Variants in SBF2 observed in about 807,000 individuals in gnomAD.
SBF2 encodes SET binding factor 2, also known as myotubularin-related protein 13.
SBF2 carries 112 observed loss-of-function variants against 225.2 expected under a neutral mutation model. The observed-to-expected ratio is 0.50, with a 90% CI of 0.43 to 0.58. SBF2 has a LOEUF of 0.58. Among genes scored for constraint, SBF2 ranks in the 20% least tolerant of loss-of-function variants. The probability of loss-of-function intolerance (pLI) is 0.00; values close to 1 mark genes in which losing one functional copy is unlikely to be tolerated. For synonymous variants in SBF2, 763 were observed against 773.3 expected (o/e 0.99, Z 0.22); for missense variants, 1,996 against 2,206.2 (o/e 0.90, Z 1.91).
At chr11:9,823,517 AAGAAG>A (rs901005607) in intron 28 of SBF2, among the ~76,000 whole-genome samples, 35 of 151,396 alleles carry the variant, frequency 2.3e-4, no homozygotes, top group African/African-American at 8.0e-4. Context: ...AAAAAAAAAA[AAGAAG>A]AAGAAGAATT....
chr11:10,067,595 G>A (rs1158715170), intron 2 of SBF2, among the ~76,000 whole-genome samples: 2 of 152,014 alleles, frequency 1.3e-5, no homozygotes, highest in African/African-American at 4.8e-5. Context: ...TAGTACTAGA[G>A]TAAAGAAATG....
intron 16 of SBF2, chr11:9,959,735 T>A (rs1412719595): frequency 1.5e-6 from 1 of 683,822 alleles, no homozygotes; most frequent in Non-Finnish European, 2.8e-6. Context: ...GGTAGGGACA[T>A]GTACACCTGC....
chr11:9,926,521 A>C (rs1373854163), intron 16 of SBF2, among the ~76,000 whole-genome samples: 1 of 152,132 alleles, frequency 6.6e-6, no homozygotes, highest in Non-Finnish European at 1.5e-5. Context: ...ACCATAAAAC[A>C]TCTCCCAATG....
intron 2 of SBF2, among the ~76,000 whole-genome samples, chr11:10,189,398 T>A (rs956361011): frequency 1.3e-5 from 2 of 152,220 alleles, no homozygotes; most frequent in Non-Finnish European, 2.9e-5. Context: ...GTCAGATGGA[T>A]GATTGCTACC....
rs541095886 is a variant in SBF2, at chr11:9,876,393, C to A, written c.1930-17997G>T. 4.6e-5 allele frequency among the ~76,000 whole-genome samples: 7 copies of A among 152,226 alleles called. No homozygotes were observed. The East Asian group carries it at 1.4e-3, about 29-fold the overall frequency. On this transcript the variant is annotated intron_variant, in intron 17 of 39. Transcript: ENST00000256190. ...TCCCCCTTAAATTCATATGTTGAAACCCTATCTCCATCCAGCGTGCCCATA... is the reference window on the plus strand; with the variant it reads ...TCCCCCTTAAATTCATATGTTGAAAACCTATCTCCATCCAGCGTGCCCATA...
At chr11:10,298,798 G>T (rs1419528288), upstream of SBF2, among the ~76,000 whole-genome samples, 1 of 152,040 alleles carries the variant, frequency 6.6e-6, no homozygotes, top group Non-Finnish European at 1.5e-5. Context: ...AAATATGTCC[G>T]CTTCTCTCCA....
At chr11:9,791,904 T>C (rs1046743894) in intron 33 of SBF2, among the ~76,000 whole-genome samples, 1 of 152,226 alleles carries the variant, frequency 6.6e-6, no homozygotes, top group African/African-American at 2.4e-5. Context: ...AGGGCTGTTG[T>C]AACATCTTGT....
chr11:9,795,957 C>T lies in SBF2; in HGVS notation c.4444G>A (p.Val1482Ile). Residue 1482 changes from valine (V) to isoleucine (I), a missense_variant and splice_region_variant, in exon 33 of 40, where the codon GTT becomes ATT. Coordinates refer to ENST00000256190, the MANE Select transcript of SBF2 (RefSeq NM_030962.4). ...AACTCAGTTGGATACTGGTTGTGAA[C>T]CTGAAACACACAAGGCAAAGAAAAG... ...FLQFLDCVHQ[V>I]HNQYPTEFEF... 1 of 1,612,842 alleles carries T rather than the reference C, an allele frequency of 6.2e-7. No individual in the cohort carries two copies. The highest frequency in any genetic ancestry group is 8.5e-7 in the Non-Finnish European group (1 of 1,179,916).
intron 1 of SBF2, among the ~76,000 whole-genome samples, chr11:10,290,404 G>A (rs1964087755): frequency 6.6e-6 from 1 of 152,140 alleles, no homozygotes; most frequent in Non-Finnish European, 1.5e-5. Context: ...ACTGGGGTGT[G>A]TCAGAGTCTG....
At chr11:10,068,787 T>A (rs1950733319) in intron 2 of SBF2, among the ~76,000 whole-genome samples, 1 of 152,132 alleles carries the variant, frequency 6.6e-6, no homozygotes, top group Non-Finnish European at 1.5e-5. Context: ...AAAACTTGAA[T>A]CAATTCACAG....
chr11:10,016,516 T>G (rs1388820660), intron 6 of SBF2: 1 of 152,194 alleles, frequency 6.6e-6, no homozygotes, highest in African/African-American at 2.4e-5. Flanking sequence ...AGATGGAGTC[T>G]CGCTCTGTCG....
chr11:10,255,133 G>A (rs1257458896), intron 1 of SBF2, among the ~76,000 whole-genome samples: 1 of 151,890 alleles, frequency 6.6e-6, no homozygotes, highest in African/African-American at 2.4e-5. Context: ...TAAAACTTCA[G>A]TTAGCCAAAA....
intron 6 of SBF2, among the ~76,000 whole-genome samples, chr11:10,015,990 TG>T (rs1011828370): frequency 1.3e-5 from 2 of 152,124 alleles, no homozygotes; most frequent in Non-Finnish European, 2.9e-5. Flanking sequence ...TTGTCCAGGC[TG>T]GTCTTGAACT....
chr11:10,258,584 A>G (rs1296325727), intron 1 of SBF2, among the ~76,000 whole-genome samples: 1 of 152,194 alleles, frequency 6.6e-6, no homozygotes, highest in Non-Finnish European at 1.5e-5. Flanking sequence ...AATTTCAACT[A>G]AACTAGGACA....
chr11:10,124,855 A>T (rs189982938), intron 2 of SBF2, among the ~76,000 whole-genome samples: 84 of 152,304 alleles, frequency 5.5e-4, no homozygotes, highest in African/African-American at 1.9e-3. Context: ...CTGTAATCTC[A>T]GCACTTTGGG....
intron 1 of SBF2, among the ~76,000 whole-genome samples, chr11:10,236,341 A>G (rs1959072801): frequency 6.6e-6 from 1 of 152,162 alleles, no homozygotes; most frequent in Non-Finnish European, 1.5e-5. Flanking sequence ...ATGCATATGC[A>G]GTCCCAGCTA....
chr11:10,253,782 A>G (rs866903743), intron 1 of SBF2, among the ~76,000 whole-genome samples: 2 of 152,174 alleles, frequency 1.3e-5, no homozygotes, highest in Middle Eastern at 3.2e-3. Flanking sequence ...AAAAAAACAA[A>G]AAGGCCTTCT....
At chr11:9,786,997 G>A (rs561270206) in intron 36 of SBF2, among the ~76,000 whole-genome samples, 2 of 152,338 alleles carry the variant, frequency 1.3e-5, no homozygotes, top group East Asian at 3.9e-4. Flanking sequence ...CTGAGTTCAA[G>A]AGATTCTCCT....
In SBF2 at chr11:10,002,622, T is replaced by C; in HGVS notation, c.687A>G (p.Ala229=). Residue 229 remains alanine (A), a synonymous_variant, in exon 7 of 40, where the codon GCA becomes GCG. Coordinates refer to ENST00000256190, the MANE Select transcript of SBF2 (RefSeq NM_030962.4). ...AAGCATCACTAAGTCTCTGGAAACT[T>C]GCAGAATGGAAGAGAACCTTATTTT... ...LTENKVLFHS[A]SFQRLSDACR... The C allele has an allele frequency of 6.2e-7, 1 of 1,612,926 alleles. No homozygotes were observed. Among genetic ancestry groups the C allele is most frequent in the Non-Finnish European group, 8.5e-7 (1 of 1,178,976 alleles).
Sources: allele counts gnomAD v4.1 joint callset (sites outside exome capture counted in the v4.1 genomes callset), GRCh38; gene constraint gnomAD v4.1.1; transcripts MANE v1.5; gene names NCBI Gene and HGNC (gene_info 2026-07-23, HGNC 2026-07-21).